CDH4: variants seen among roughly 807,000 people sequenced by gnomAD.
The protein encoded by CDH4 is cadherin 4.
A neutral mutation model predicts 86.0 loss-of-function variants in CDH4; 33 were observed. The ratio of observed to expected loss-of-function variants is 0.38; its 90% CI spans 0.29 to 0.51. CDH4 has a LOEUF of 0.51. CDH4 is among the 20% of genes least tolerant of loss of function. The pLI, the probability that CDH4 is intolerant of heterozygous loss-of-function variation, is 0.86. For synonymous variants in CDH4, 555 were observed against 549.4 expected (o/e 1.01, Z -0.14); for missense variants, 1,114 against 1,307.4 (o/e 0.85, Z 2.28).
intron 8 of CDH4, among the ~76,000 whole-genome samples, chr20:61,899,649 G>A (rs1191266975): frequency 2.6e-5 from 4 of 152,148 alleles, no homozygotes; most frequent in South Asian, 2.1e-4. Context: ...GGATGGTCTT[G>A]ATCTCCTGAC....
At chr20:61,581,213 G>C (rs879764339) in intron 2 of CDH4, among the ~76,000 whole-genome samples, 2 of 152,182 alleles carry the variant, frequency 1.3e-5, no homozygotes, top group African/African-American at 4.8e-5. Context: ...TGGCTCCAGG[G>C]ATCCGTGCAT....
At chr20:61,823,785 T>C (rs796219326) in intron 4 of CDH4, among the ~76,000 whole-genome samples, 16 of 152,344 alleles carry the variant, frequency 1.1e-4, no homozygotes, top group African/African-American at 3.8e-4. Context: ...TGTAGAACAT[T>C]TCTGTTGCCA....
intron 2 of CDH4, among the ~76,000 whole-genome samples, chr20:61,640,850 G>A (rs1040230309): frequency 3.3e-5 from 5 of 152,178 alleles, no homozygotes; most frequent in Admixed American, 2.0e-4. Flanking sequence ...TCTGTCTTTG[G>A]GTGATTCTTG....
rs1042064549 is a variant in CDH4, at chr20:61,757,235, C to G, written c.396+13446C>G. ...TGTTTCTCCACATCAGAACACAGAC[C>G]CCCCCCCCAGCCCCCTCCAGGGGGC... is the stretch of plus-strand genomic sequence containing the variant. On this transcript the variant is annotated intron_variant, in intron 3 of 15. Coordinates refer to ENST00000614565, the MANE Select transcript of CDH4 (RefSeq NM_001794.5). 4.3e-5 allele frequency among the ~76,000 whole-genome samples: 4 copies of G among 93,100 alleles called. No homozygotes were observed. In the East Asian group the frequency reaches 1.6e-3, roughly 37 times the overall value. The allele number at this position is 93,100 out of a possible 152,430, so 61.1% of individuals were successfully genotyped here.
Position 61,805,213 on chromosome 20 carries a change from A to G in CDH4, c.576+32031A>G, listed in dbSNP as rs1478323765. On this transcript the variant is annotated intron_variant, in intron 4 of 15. Coordinates refer to ENST00000614565, the MANE Select transcript of CDH4 (RefSeq NM_001794.5). ...TGGCCAGTCCTTGACCCAGCCCCCC[A>G]TCCCTACCCAAGCTACTAGAACAGA... 3.3e-5 allele frequency among the ~76,000 whole-genome samples: 5 copies of G among 152,210 alleles called. No homozygotes were observed. In the East Asian group the frequency reaches 9.7e-4, roughly 29 times the overall value.
intron 2 of CDH4, among the ~76,000 whole-genome samples, chr20:61,739,478 A>C (rs2088307004): frequency 1.3e-5 from 2 of 152,208 alleles, no homozygotes; most frequent in Non-Finnish European, 2.9e-5. Flanking sequence ...GGAATGAAAC[A>C]AAAACAGGTG....
At chr20:61,771,405 C>G (rs2145983804) in intron 3 of CDH4, among the ~76,000 whole-genome samples, 1 of 151,930 alleles carries the variant, frequency 6.6e-6, no homozygotes, top group Non-Finnish European at 1.5e-5. Context: ...GGGCGGATTA[C>G]CGGAGGTCGG....
At chr20:61,933,496 G>A (rs1384508937) in intron 14 of CDH4, among the ~76,000 whole-genome samples, 1 of 152,234 alleles carries the variant, frequency 6.6e-6, no homozygotes, top group African/African-American at 2.4e-5. Context: ...CCAGGCGCCC[G>A]GGAGGGTAGA....
intron 2 of CDH4, among the ~76,000 whole-genome samples, chr20:61,729,955 G>A (rs2088159104): frequency 6.6e-6 from 1 of 152,144 alleles, no homozygotes; most frequent in Non-Finnish European, 1.5e-5. Context: ...CTTTGGAGAA[G>A]GTACAGCTGA....
At chr20:61,887,616 T>G (rs1185574994) in intron 7 of CDH4, among the ~76,000 whole-genome samples, 1 of 152,256 alleles carries the variant, frequency 6.6e-6, no homozygotes, top group African/African-American at 2.4e-5. Flanking sequence ...TTCCTATACA[T>G]TGAAAGCACC....
At chr20:61,400,440 C>T (rs2085043253) in intron 2 of CDH4, among the ~76,000 whole-genome samples, 1 of 152,158 alleles carries the variant, frequency 6.6e-6, no homozygotes, top group South Asian at 2.1e-4. Context: ...GGACCCAGTC[C>T]TCCTTGCAGC....
chr20:61,254,420 C>T (rs1032800948), intron 1 of CDH4, among the ~76,000 whole-genome samples: 1 of 152,220 alleles, frequency 6.6e-6, no homozygotes, highest in Admixed American at 6.5e-5. Flanking sequence ...GGGCCTAAAG[C>T]GCGAATGGTC....
intron 2 of CDH4, among the ~76,000 whole-genome samples, chr20:61,360,167 G>A (rs1250052481): frequency 2.6e-5 from 4 of 152,140 alleles, no homozygotes; most frequent in Non-Finnish European, 4.4e-5. Context: ...CAGGTTTGTC[G>A]GGCAGAGCCA....
Position 61,274,137 on chromosome 20 carries a change from C to T in CDH4, c.169+19200C>T, listed in dbSNP as rs113804519. Among the ~76,000 whole-genome samples, 682 of 98,506 alleles carry T rather than the reference C, an allele frequency of 6.9e-3. 9 individuals carry two copies. The highest frequency in any genetic ancestry group is 0.026 in the African/African-American group (627 of 24,504). The allele number at this position is 98,506 out of a possible 152,430, so 64.6% of individuals were successfully genotyped here. ...TTTGGGGGAGTATTGGAGTACCATG[C>T]GTAGTTTGGGGAAGTACCATGTGCA... On this transcript the variant is annotated intron_variant, in intron 2 of 15. Coordinates refer to ENST00000614565, the MANE Select transcript of CDH4 (RefSeq NM_001794.5).
chr20:61,371,431 G>A (rs2084839623), intron 2 of CDH4, among the ~76,000 whole-genome samples: 1 of 152,246 alleles, frequency 6.6e-6, no homozygotes, highest in Non-Finnish European at 1.5e-5. Context: ...CAGGTAAGAA[G>A]TGTCAGACGC....
intron 2 of CDH4, among the ~76,000 whole-genome samples, chr20:61,534,648 C>CTTTCTTTTTTTTTTTTTTTTTTTTT (rs1568881693): frequency 9.2e-6 from 1 of 108,384 alleles, no homozygotes; most frequent in African/African-American, 5.3e-5. Flanking sequence ...TTCTTTCTTT[C>CTTTCTTTTTTTTTTTTTTTTTTTTT]TTTTCTTTCT....
intron 6 of CDH4, among the ~76,000 whole-genome samples, chr20:61,854,681 T>C (rs1048633586): frequency 2.3e-3 from 264 of 116,740 alleles, no homozygotes; most frequent in East Asian, 0.01. Context: ...GGGTGAATTG[T>C]GCCTTTGGCC....
intron 2 of CDH4, among the ~76,000 whole-genome samples, chr20:61,724,305 C>T (rs2088084652): frequency 6.6e-6 from 1 of 152,202 alleles, no homozygotes; most frequent in Admixed American, 6.5e-5. Context: ...GCAGGGCAGC[C>T]TCAGACAGGA....
chr20:61,290,475 A>G (rs1397033617), intron 2 of CDH4, among the ~76,000 whole-genome samples: 4 of 150,620 alleles, frequency 2.7e-5, no homozygotes, highest in African/African-American at 7.4e-5. Flanking sequence ...CCCCGTATCC[A>G]ATGAGACTTG....
Sources: allele counts gnomAD v4.1 joint callset (sites outside exome capture counted in the v4.1 genomes callset), GRCh38; gene constraint gnomAD v4.1.1; transcripts MANE v1.5; gene names NCBI Gene and HGNC (gene_info 2026-07-23, HGNC 2026-07-21).